Variants in MTCL2 observed in about 807,000 individuals in gnomAD.
The protein encoded by MTCL2 is microtubule crosslinking factor 2.
chr20:36,837,554 A>G, the MTCL2 span, among the ~76,000 whole-genome samples: 1 of 57,064 alleles, frequency 1.8e-5, no homozygotes, highest in African/African-American at 6.1e-5. Context: ...CCACATTATT[A>G]TTATTATTAT....
chr20:36,860,483 G>T, the MTCL2 span, among the ~76,000 whole-genome samples: 1 of 152,180 alleles, frequency 6.6e-6, no homozygotes, highest in Non-Finnish European at 1.5e-5. Context: ...TAAATAAACA[G>T]CTGCCGAATG....
the MTCL2 span, among the ~76,000 whole-genome samples, chr20:36,814,596 A>T: frequency 2.6e-5 from 4 of 152,122 alleles, no homozygotes; most frequent in Non-Finnish European, 5.9e-5. Context: ...AAAAAAATTT[A>T]AAAATTATGG....
chr20:36,849,099 T>TG, the MTCL2 span, among the ~76,000 whole-genome samples: 1 of 106,130 alleles, frequency 9.4e-6, no homozygotes, highest in Admixed American at 1.2e-4. Context: ...TTCACTCTTG[T>TG]TACCCAGGCT....
chr20:36,784,669 C>T, the MTCL2 span: 250 of 985,452 alleles, frequency 2.5e-4, no homozygotes, highest in Non-Finnish European at 2.9e-4. Context: ...GGCGCTGCCC[C>T]ACATGCTGCA....
the MTCL2 span, among the ~76,000 whole-genome samples, chr20:36,858,691 C>T: frequency 1.3e-5 from 2 of 152,270 alleles, no homozygotes; most frequent in South Asian, 4.1e-4. Flanking sequence ...ATTCCTCAGG[C>T]GACTTGGGTT....
At chr20:36,843,365 T>TCA in the MTCL2 span, among the ~76,000 whole-genome samples, 19 of 152,058 alleles carry the variant, frequency 1.2e-4, no homozygotes, top group Non-Finnish European at 2.4e-4. Context: ...TCTCACAAGC[T>TCA]CGAGAGGTTT....
chr20:36,825,414 G>A, the MTCL2 span, among the ~76,000 whole-genome samples: 1 of 152,218 alleles, frequency 6.6e-6, no homozygotes, highest in Non-Finnish European at 1.5e-5. Flanking sequence ...TGTGGTGCCT[G>A]GCACAGAGTG....
the MTCL2 span, chr20:36,817,529 A>T: frequency 6.8e-7 from 1 of 1,474,888 alleles, no homozygotes; most frequent in East Asian, 2.5e-5. Context: ...TCACAGAATG[A>T]TGCACATGCA....
chr20:36,828,146 T>A, the MTCL2 span, among the ~76,000 whole-genome samples: 285 of 152,274 alleles, frequency 1.9e-3, 1 homozygote, highest in Non-Finnish European at 3.1e-3. Context: ...TCCTCATATC[T>A]CATCAGCAGG....
the MTCL2 span, among the ~76,000 whole-genome samples, chr20:36,842,423 AATG>A: frequency 6.6e-6 from 1 of 152,236 alleles, no homozygotes; most frequent in Non-Finnish European, 1.5e-5. Context: ...CACAAATGGG[AATG>A]ATAATACCTA....
chr20:36,813,716 G>A, the MTCL2 span, among the ~76,000 whole-genome samples: 6 of 115,912 alleles, frequency 5.2e-5, no homozygotes, highest in African/African-American at 1.0e-4. Context: ...TCGTGCCACC[G>A]CACTCCAGCC....
chr20:36,860,708 G>A, the MTCL2 span, among the ~76,000 whole-genome samples: 5,264 of 152,316 alleles, frequency 0.035, 257 homozygotes, highest in African/African-American at 0.1. Flanking sequence ...GTTGGAAAGC[G>A]TGTTACTGTC....
At chr20:36,804,697 G>T in the MTCL2 span, 1 of 1,603,938 alleles carries the variant, frequency 6.2e-7, no homozygotes, top group South Asian at 1.1e-5. Flanking sequence ...GCTTGGCTGA[G>T]AGTAAGGGGA....
chr20:36,802,159 G>A, the MTCL2 span, among the ~76,000 whole-genome samples: 1 of 152,012 alleles, frequency 6.6e-6, no homozygotes, highest in Non-Finnish European at 1.5e-5. Flanking sequence ...GGTAGCACAC[G>A]CCTGTAATCC....
the MTCL2 span, chr20:36,805,999 T>C: frequency 1.3e-6 from 2 of 1,547,546 alleles, no homozygotes; most frequent in Non-Finnish European, 1.8e-6. Flanking sequence ...TGGGAAGTTT[T>C]CCCAAATTTT....
At chr20:36,845,524 G>A in the MTCL2 span, among the ~76,000 whole-genome samples, 2 of 152,368 alleles carry the variant, frequency 1.3e-5, no homozygotes, top group African/African-American at 4.8e-5. Flanking sequence ...AGCCCCTGCT[G>A]GCACGGCCCC....
the MTCL2 span, among the ~76,000 whole-genome samples, chr20:36,838,196 G>A: frequency 6.6e-6 from 1 of 152,082 alleles, no homozygotes; most frequent in South Asian, 2.1e-4. Flanking sequence ...GACTACACAT[G>A]CCTGCCACCA....
the MTCL2 span, among the ~76,000 whole-genome samples, chr20:36,810,717 C>CCTCCCTCTCTCTCTCTCTCTCTCTCT: frequency 1.1e-5 from 1 of 94,192 alleles, no homozygotes. Context: ...TCTCTCTCTC[C>CCTCCCTCTCTCTCTCTCTCTCTCTCT]CTCTCTCTCT....
chr20:36,792,042 G>A, the MTCL2 span, among the ~76,000 whole-genome samples: 2 of 152,220 alleles, frequency 1.3e-5, no homozygotes, highest in Non-Finnish European at 2.9e-5. Context: ...CAGAGGAAAT[G>A]TGAGCACTTA....
Sources: allele counts gnomAD v4.1 joint callset (sites outside exome capture counted in the v4.1 genomes callset), GRCh38; gene constraint gnomAD v4.1.1; transcripts MANE v1.5; gene names NCBI Gene and HGNC (gene_info 2026-07-23, HGNC 2026-07-21).